Variants in MOCOS observed in about 807,000 individuals in gnomAD.
The protein encoded by MOCOS is molybdenum cofactor sulfurase, also known as human molybdenum cofactor sulfurase.
Under a neutral mutation model 83.6 loss-of-function variants are expected in MOCOS, and 86 were observed. The ratio of observed to expected loss-of-function variants is 1.03; its 90% CI spans 0.86 to 1.23. MOCOS has a LOEUF of 1.23. Among genes scored for constraint, MOCOS ranks in the 50% most tolerant of loss-of-function variants. The pLI, the probability that MOCOS is intolerant of heterozygous loss-of-function variation, is 0.00. For missense variants in MOCOS, 1,120 were observed against 1,126.9 expected (o/e 0.99, Z 0.09); for synonymous variants, 445 against 434.7 (o/e 1.02, Z -0.29).
chr18:36,244,649 G>A (rs1224987041), intron 9 of MOCOS, among the ~76,000 whole-genome samples: 2 of 152,094 alleles, frequency 1.3e-5, no homozygotes, highest in Non-Finnish European at 2.9e-5. Flanking sequence ...TTGTTTTAGG[G>A]TATAGTTTAA....
chr18:36,214,081 A>C (rs984174082), intron 7 of MOCOS, among the ~76,000 whole-genome samples: 1 of 151,866 alleles, frequency 6.6e-6, no homozygotes, highest in South Asian at 2.1e-4. Flanking sequence ...CTCTCTACTG[A>C]AAATATAAAA....
intron 2 of MOCOS, among the ~76,000 whole-genome samples, chr18:36,197,668 GA>G (rs1376657549): frequency 4.6e-5 from 7 of 152,080 alleles, no homozygotes. Flanking sequence ...AGCTATTCAG[GA>G]GGCTGAGGCA....
At chr18:36,228,478 C>T (rs1826320835) in intron 9 of MOCOS, among the ~76,000 whole-genome samples, 3 of 152,134 alleles carry the variant, frequency 2.0e-5, no homozygotes, top group Non-Finnish European at 2.9e-5. Context: ...GGTACATATA[C>T]ACCATGGAAT....
intron 9 of MOCOS, among the ~76,000 whole-genome samples, chr18:36,226,888 C>CTTT (rs36075117): frequency 5.1e-5 from 7 of 137,580 alleles, no homozygotes; most frequent in East Asian, 4.3e-4. Context: ...TGATGTGTAT[C>CTTT]TTTTTTTTTT....
At chr18:36,229,179 GT>G (rs1320089168) in intron 9 of MOCOS, among the ~76,000 whole-genome samples, 2 of 152,032 alleles carry the variant, frequency 1.3e-5, no homozygotes, top group African/African-American at 4.8e-5. Flanking sequence ...ATGCTATTGT[GT>G]TGTTGTTTAG....
At chr18:36,259,325 G>A (rs532996074) in intron 12 of MOCOS, among the ~76,000 whole-genome samples, 2 of 151,664 alleles carry the variant, frequency 1.3e-5, no homozygotes, top group East Asian at 3.9e-4. Context: ...CATGCTTGTA[G>A]TCCCACCTAC....
chr18:36,253,956 G>T (rs614621), intron 11 of MOCOS, among the ~76,000 whole-genome samples: 62,547 of 151,828 alleles, frequency 0.41, 13,328 homozygotes, highest in Admixed American at 0.53. Context: ...TGGCTGCATC[G>T]AGTGGGAAAC....
chr18:36,239,302 CT>C, intron 9 of MOCOS, among the ~76,000 whole-genome samples: 1 of 150,726 alleles, frequency 6.6e-6, no homozygotes, highest in East Asian at 1.9e-4. Flanking sequence ...TTAGCGCTTC[CT>C]TCAGGAGCTC....
intron 6 of MOCOS, among the ~76,000 whole-genome samples, chr18:36,212,712 C>T (rs1174443251): frequency 6.6e-6 from 1 of 152,186 alleles, no homozygotes; most frequent in Non-Finnish European, 1.5e-5. Context: ...CACACGGTGA[C>T]CTCTGGCCAC....
intron 1 of MOCOS, among the ~76,000 whole-genome samples, chr18:36,188,269 C>G (rs1314182207): frequency 6.6e-6 from 1 of 152,258 alleles, no homozygotes; most frequent in East Asian, 1.9e-4. Flanking sequence ...AGAACAATCC[C>G]TCTGAGCTCC....
rs1258040505 is a variant in MOCOS, at chr18:36,207,235, C to A, written c.1218+1959C>A. ...TATTTTTAGTAGAGACAGGGTTTCA[C>A]CATGTTGGTCAGGCTGGTCTCAAAC... is the stretch of plus-strand genomic sequence containing the variant. On this transcript the variant is annotated intron_variant, in intron 6 of 14. Transcript: ENST00000261326. Among the ~76,000 whole-genome samples, 12 of 152,292 alleles carry A rather than the reference C, an allele frequency of 7.9e-5. No homozygotes were observed. The East Asian group carries it at 2.1e-3, about 27-fold the overall frequency.
chr18:36,262,916 C>G (rs28562773), intron 13 of MOCOS, among the ~76,000 whole-genome samples: 22,178 of 152,146 alleles, frequency 0.15, 1,713 homozygotes, highest in East Asian at 0.24. Flanking sequence ...TGAGACCAGC[C>G]TAGGCAAAAC....
At chr18:36,224,871 G>A (rs918359489) in intron 9 of MOCOS, among the ~76,000 whole-genome samples, 1 of 152,174 alleles carries the variant, frequency 6.6e-6, no homozygotes, top group South Asian at 2.1e-4. Context: ...GCATTCAGCA[G>A]TGAAGCCATT....
intron 9 of MOCOS, among the ~76,000 whole-genome samples, chr18:36,243,565 G>T (rs577188808): frequency 6.7e-6 from 1 of 149,010 alleles, no homozygotes; most frequent in Non-Finnish European, 1.5e-5. Flanking sequence ...ATATTTGTCT[G>T]TAGTTTTCTT....
chr18:36,244,959 G>A (rs2091597394), intron 9 of MOCOS, among the ~76,000 whole-genome samples: 1 of 151,970 alleles, frequency 6.6e-6, no homozygotes, highest in South Asian at 2.1e-4. Flanking sequence ...GCTCACTTTT[G>A]GTTTCCATTT....
intron 3 of MOCOS, among the ~76,000 whole-genome samples, chr18:36,199,408 G>T (rs1568049304): frequency 6.6e-6 from 1 of 152,200 alleles, no homozygotes; most frequent in Non-Finnish European, 1.5e-5. Context: ...GCACCAAGGA[G>T]AGAAAGTAGT....
chr18:36,198,628 A>G (rs2091399634), intron 2 of MOCOS, 62 bp from the exon 3 acceptor site: 6 of 1,531,170 alleles, frequency 3.9e-6, no homozygotes, highest in South Asian at 1.1e-5. Flanking sequence ...TGGATTCAGA[A>G]GGAACACAAA....
chr18:36,188,940 A>G (rs2091354285), intron 1 of MOCOS, among the ~76,000 whole-genome samples: 1 of 147,244 alleles, frequency 6.8e-6, no homozygotes, highest in African/African-American at 2.5e-5. Context: ...CTCTCTCTCA[A>G]CTATTAATTA....
chr18:36,229,332 C>G (rs1384309607), intron 9 of MOCOS, among the ~76,000 whole-genome samples: 1 of 151,948 alleles, frequency 6.6e-6, no homozygotes, highest in African/African-American at 2.4e-5. Context: ...ATATATCATT[C>G]TACTTTGTCT....
Sources: allele counts gnomAD v4.1 joint callset (sites outside exome capture counted in the v4.1 genomes callset), GRCh38; gene constraint gnomAD v4.1.1; transcripts MANE v1.5; gene names NCBI Gene and HGNC (gene_info 2026-07-23, HGNC 2026-07-21).